The following NPAS3 variants were observed in gnomAD, a reference collection of about 807,000 sequenced individuals.
The protein encoded by NPAS3 is neuronal PAS domain-containing protein 3.
NPAS3 carries 14 observed loss-of-function variants against 73.1 expected under a neutral mutation model. The observed-to-expected ratio is 0.19, with a 90% confidence interval of 0.13 to 0.30. The LOEUF (loss-of-function observed/expected upper bound fraction) is 0.30. Among genes scored for constraint, NPAS3 ranks in the 10% least tolerant of loss-of-function variants. The probability of loss-of-function intolerance (pLI) is 1.00; values close to 1 mark genes in which losing one functional copy is unlikely to be tolerated. For missense variants in NPAS3, 1,096 were observed against 1,250.0 expected (o/e 0.88, Z 1.86); for synonymous variants, 620 against 541.5 (o/e 1.14, Z -2.01).
At chr14:33,335,665 G>A (rs886995911) in intron 3 of NPAS3, among the ~76,000 whole-genome samples, 4 of 152,078 alleles carry the variant, frequency 2.6e-5, no homozygotes, top group South Asian at 2.1e-4. Flanking sequence ...CTTGCGGGAC[G>A]TTTGAGTGGG....
intron 4 of NPAS3, among the ~76,000 whole-genome samples, chr14:33,455,949 C>T (rs2050003950): frequency 6.6e-6 from 1 of 152,168 alleles, no homozygotes; most frequent in East Asian, 1.9e-4. Context: ...GGGCCATCTT[C>T]TTGTCCTGGG....
At chr14:33,120,540 A>G (rs953982818) in intron 2 of NPAS3, among the ~76,000 whole-genome samples, 1 of 152,036 alleles carries the variant, frequency 6.6e-6, no homozygotes, top group Non-Finnish European at 1.5e-5. Context: ...GCGATGTTCA[A>G]GTGTTCAGTT....
At chr14:33,629,518 G>C (rs2058319965) in intron 5 of NPAS3, among the ~76,000 whole-genome samples, 1 of 151,930 alleles carries the variant, frequency 6.6e-6, no homozygotes. Context: ...ATGGACTGAA[G>C]AAACTAATGA....
At chr14:33,373,297 C>T (rs978510729) in intron 4 of NPAS3, among the ~76,000 whole-genome samples, 2 of 152,040 alleles carry the variant, frequency 1.3e-5, no homozygotes, top group African/African-American at 4.8e-5. Flanking sequence ...CTTTACTCAC[C>T]TCACAGGTGT....
At chr14:33,737,560 A>T (rs1178178704) in intron 7 of NPAS3, among the ~76,000 whole-genome samples, 1 of 152,032 alleles carries the variant, frequency 6.6e-6, no homozygotes, top group Non-Finnish European at 1.5e-5. Flanking sequence ...CCCCAGAACT[A>T]CTACCAACAA....
chr14:33,639,268 C>A (rs2058611597), intron 5 of NPAS3, among the ~76,000 whole-genome samples: 1 of 152,140 alleles, frequency 6.6e-6, no homozygotes, highest in South Asian at 2.1e-4. Flanking sequence ...TATGTAGACA[C>A]ACTCCTGTCT....
chr14:33,771,807 T>A (rs1335916978), intron 7 of NPAS3, among the ~76,000 whole-genome samples: 4 of 150,590 alleles, frequency 2.7e-5, no homozygotes, highest in Non-Finnish European at 5.9e-5. Context: ...CGAGACTCCA[T>A]CTCAAAAAAA....
intron 1 of NPAS3, among the ~76,000 whole-genome samples, chr14:33,023,858 G>T (rs546105021): frequency 6.6e-6 from 1 of 152,146 alleles, no homozygotes; most frequent in Non-Finnish European, 1.5e-5. Context: ...ATTATCCAGT[G>T]GGTCTCACAT....
intron 1 of NPAS3, among the ~76,000 whole-genome samples, chr14:32,999,230 G>A (rs1036741645): frequency 2.3e-4 from 35 of 152,032 alleles, no homozygotes; most frequent in Non-Finnish European, 4.6e-4. Context: ...GTTATATTCC[G>A]GCCGGGTGCG....
intron 5 of NPAS3, among the ~76,000 whole-genome samples, chr14:33,604,121 A>G (rs112330654): frequency 0.029 from 4,467 of 152,224 alleles, 99 homozygotes; most frequent in South Asian, 0.06. Flanking sequence ...GAAGTAACCA[A>G]TAGAAAACAC....
rs555529708 is a variant in NPAS3, at chr14:33,296,058, G to A, written c.386-71128G>A. Among the ~76,000 whole-genome samples, 22 of 152,144 alleles carry A rather than the reference G, an allele frequency of 1.4e-4. No homozygotes were observed. The South Asian group carries it at 3.5e-3, about 24-fold the overall frequency. Reference sequence around the variant, plus strand: ...AAATTACTGAAAGACGAAGACTCTCGGTTTCTTCCAAATGTTTCCCTGAAA... The same window carrying A: ...AAATTACTGAAAGACGAAGACTCTCAGTTTCTTCCAAATGTTTCCCTGAAA... On this transcript the variant is annotated intron_variant, in intron 3 of 11. Transcript: ENST00000356141.
intron 5 of NPAS3, among the ~76,000 whole-genome samples, chr14:33,602,423 C>T (rs2057427291): frequency 6.6e-6 from 1 of 152,168 alleles, no homozygotes. Context: ...CTGAGTGCTT[C>T]TGTGCACTGC....
chr14:33,593,443 A>G (rs1407062997), intron 5 of NPAS3, among the ~76,000 whole-genome samples: 5 of 152,234 alleles, frequency 3.3e-5, no homozygotes, highest in Non-Finnish European at 7.3e-5. Flanking sequence ...TAAAAGCACT[A>G]GAGAATACTG....
intron 3 of NPAS3, among the ~76,000 whole-genome samples, chr14:33,292,760 A>G (rs1286962105): frequency 6.6e-6 from 1 of 152,184 alleles, no homozygotes; most frequent in Non-Finnish European, 1.5e-5. Flanking sequence ...TTCATGGGGC[A>G]CTTTTTGTAA....
chr14:33,555,991 T>A (rs1159544773), intron 4 of NPAS3, among the ~76,000 whole-genome samples: 1 of 152,118 alleles, frequency 6.6e-6, no homozygotes, highest in African/African-American at 2.4e-5. Flanking sequence ...TTATTTTTCA[T>A]TGAATTGACT....
intron 2 of NPAS3, among the ~76,000 whole-genome samples, chr14:33,099,898 T>C (rs1363560815): frequency 1.3e-5 from 2 of 152,182 alleles, no homozygotes; most frequent in African/African-American, 4.8e-5. Flanking sequence ...GGTGTCCAAA[T>C]TGAAACAATA....
intron 5 of NPAS3, among the ~76,000 whole-genome samples, chr14:33,595,170 G>A (rs1163672257): frequency 6.6e-6 from 1 of 152,212 alleles, no homozygotes; most frequent in Non-Finnish European, 1.5e-5. Flanking sequence ...CAGTGATCAT[G>A]GGGCAGTAGT....
At chr14:33,631,136 T>C (rs2058366528) in intron 5 of NPAS3, among the ~76,000 whole-genome samples, 1 of 152,182 alleles carries the variant, frequency 6.6e-6, no homozygotes. Context: ...ATCCTAACTT[T>C]ATAGAAAGTG....
At chr14:33,118,695 A>G (rs1252651761) in intron 2 of NPAS3, among the ~76,000 whole-genome samples, 1 of 152,064 alleles carries the variant, frequency 6.6e-6, no homozygotes, top group African/African-American at 2.4e-5. Flanking sequence ...TGAATTGTTT[A>G]TTTTTGGAGG....
Sources: gnomAD v4.1 joint callset for allele counts (sites outside exome capture counted in the v4.1 genomes callset) on GRCh38, gnomAD v4.1.1 for gene constraint, MANE v1.5 for transcripts, NCBI Gene and HGNC (gene_info 2026-07-23, HGNC 2026-07-21) for gene names.